Variants in PCDH15 observed in about 807,000 individuals in gnomAD.
The protein encoded by PCDH15 is protocadherin related 15, also known as protocadherin-15.
In PCDH15, 129 loss-of-function variants were observed where a neutral mutation model predicts 178.5. That is an observed-to-expected ratio of 0.72 (90% CI 0.63 to 0.84). The LOEUF (loss-of-function observed/expected upper bound fraction) is 0.84. Among genes scored for constraint, PCDH15 ranks in the 40% least tolerant of loss-of-function variants. The pLI is 0.00. For missense variants in PCDH15, 2,230 were observed against 2,099.9 expected (o/e 1.06, Z -1.21); for synonymous variants, 800 against 732.0 (o/e 1.09, Z -1.50).
chr10:55,580,632 G>A (rs922194806), intron 2 of PCDH15, among the ~76,000 whole-genome samples: 2 of 152,036 alleles, frequency 1.3e-5, no homozygotes, highest in Non-Finnish European at 2.9e-5. Context: ...CAAAGTGCTG[G>A]GATTACAGGC....
upstream of PCDH15, among the ~76,000 whole-genome samples, chr10:54,805,156 T>C (rs1952759340): frequency 6.6e-6 from 1 of 151,756 alleles, no homozygotes; most frequent in Non-Finnish European, 1.5e-5. Flanking sequence ...CTCAAATATA[T>C]GTCTTTGAGA....
chr10:55,056,886 A>G (rs1002883701), intron 2 of PCDH15, among the ~76,000 whole-genome samples: 2 of 151,958 alleles, frequency 1.3e-5, no homozygotes, highest in African/African-American at 2.4e-5. Context: ...CACCCGCCTC[A>G]ACCTCCCAAA....
chr10:55,106,642 C>A (rs1209849825), intron 2 of PCDH15, among the ~76,000 whole-genome samples: 1 of 152,128 alleles, frequency 6.6e-6, no homozygotes, highest in Admixed American at 6.5e-5. Flanking sequence ...TCTCGAACTC[C>A]TGACCTCAGG....
Position 53,822,433 on chromosome 10 carries a change from GAGGAGC to G in PCDH15, c.4368-2209_4368-2204del, listed in dbSNP as rs397517465. The G allele has an allele frequency of 7.7e-4, 1,220 of 1,588,994 alleles. 2 individuals are homozygous for G. The highest frequency in any genetic ancestry group is 5.2e-3 in the East Asian group (222 of 42,854). ...GGAGAAATGTCAGGAGGAGGAGCAA[GAGGAGC>G]AGGAGCAGGAGGAGGAGAAGGAGGA... On this transcript the variant is annotated intron_variant, in intron 32 of 37. Coordinates refer to ENST00000644397, the MANE Select transcript of PCDH15 (RefSeq NM_001384140.1).
intron 3 of PCDH15, among the ~76,000 whole-genome samples, chr10:54,435,055 T>TAA (rs1565267275): frequency 2.0e-5 from 3 of 151,592 alleles, no homozygotes; most frequent in Non-Finnish European, 4.4e-5. Context: ...TTTAAACTTA[T>TAA]CTTACTTCCT....
intron 3 of PCDH15, among the ~76,000 whole-genome samples, chr10:54,808,531 C>G (rs1952813812): frequency 6.6e-6 from 1 of 152,180 alleles, no homozygotes; most frequent in Non-Finnish European, 1.5e-5. Flanking sequence ...GCAGTCTCAT[C>G]TTTTAGCTCC....
At chr10:55,589,694 CA>C (rs1166393594) in intron 2 of PCDH15, among the ~76,000 whole-genome samples, 3 of 151,112 alleles carry the variant, frequency 2.0e-5, no homozygotes, top group African/African-American at 7.3e-5. Flanking sequence ...TTTATGCAGC[CA>C]AAAAACACAT....
intron 18 of PCDH15, among the ~76,000 whole-genome samples, chr10:54,042,278 G>A (rs1004334494): frequency 6.6e-6 from 1 of 152,060 alleles, no homozygotes; most frequent in Non-Finnish European, 1.5e-5. Flanking sequence ...ATATGGATTA[G>A]ATCATTTGCC....
intron 1 of PCDH15, among the ~76,000 whole-genome samples, chr10:54,701,872 C>G (rs1043039426): frequency 2.0e-5 from 3 of 151,922 alleles, no homozygotes; most frequent in African/African-American, 2.4e-5. Context: ...TTCCAACAGC[C>G]CACTGACAGT....
At chr10:54,208,397 T>C (rs2134052264) in intron 10 of PCDH15, among the ~76,000 whole-genome samples, 1 of 152,186 alleles carries the variant, frequency 6.6e-6, no homozygotes, top group East Asian at 1.9e-4. Context: ...GTTGAAATCC[T>C]AATCCACAAT....
intron 1 of PCDH15, among the ~76,000 whole-genome samples, chr10:55,295,440 T>G (rs1032619077): frequency 6.6e-6 from 1 of 152,206 alleles, no homozygotes; most frequent in Non-Finnish European, 1.5e-5. Context: ...AAACCAGCAA[T>G]GTGATTAATA....
chr10:55,156,096 G>A (rs1375165963), intron 2 of PCDH15, among the ~76,000 whole-genome samples: 1 of 151,996 alleles, frequency 6.6e-6, no homozygotes, highest in East Asian at 1.9e-4. Flanking sequence ...ACATACAAAG[G>A]ACCTACACTC....
chr10:55,281,803 A>G (rs927503868), intron 1 of PCDH15, among the ~76,000 whole-genome samples: 1 of 152,190 alleles, frequency 6.6e-6, no homozygotes, highest in Admixed American at 6.5e-5. Flanking sequence ...TTCTCTTTTG[A>G]TAAATGCCAT....
chr10:54,716,029 C>T (rs114393524), intron 1 of PCDH15, among the ~76,000 whole-genome samples: 2,604 of 152,180 alleles, frequency 0.017, 75 homozygotes, highest in African/African-American at 0.058. Flanking sequence ...TGCAGAGAAC[C>T]TGAGGCAGCA....
intron 2 of PCDH15, among the ~76,000 whole-genome samples, chr10:55,528,868 C>A (rs191924640): frequency 6.6e-6 from 1 of 152,116 alleles, no homozygotes; most frequent in Non-Finnish European, 1.5e-5. Context: ...TCCTATTTCT[C>A]CACATCCTCT....
At chr10:55,018,929 T>C (rs1840255461) in intron 2 of PCDH15, among the ~76,000 whole-genome samples, 1 of 152,094 alleles carries the variant, frequency 6.6e-6, no homozygotes, top group Admixed American at 6.6e-5. Context: ...TAATTTAATA[T>C]AGTTTTCTTT....
intron 2 of PCDH15, among the ~76,000 whole-genome samples, chr10:54,642,700 G>C (rs2094019998): frequency 6.6e-6 from 1 of 152,044 alleles, no homozygotes; most frequent in Admixed American, 6.6e-5. Flanking sequence ...TCAGTTTAGA[G>C]GTTACAGTTT....
At chr10:55,517,266 T>C (rs1482364443) in intron 2 of PCDH15, among the ~76,000 whole-genome samples, 1 of 152,120 alleles carries the variant, frequency 6.6e-6, no homozygotes, top group Non-Finnish European at 1.5e-5. Context: ...GTTTGCTTCT[T>C]TTACTTCCAG....
intron 1 of PCDH15, among the ~76,000 whole-genome samples, chr10:55,319,303 A>G (rs1277227873): frequency 2.0e-5 from 3 of 152,230 alleles, no homozygotes; most frequent in Non-Finnish European, 4.4e-5. Flanking sequence ...GCAATATTTC[A>G]TATTTAAATG....
Sources: gnomAD v4.1 joint callset for allele counts (sites outside exome capture counted in the v4.1 genomes callset) on GRCh38, gnomAD v4.1.1 for gene constraint, MANE v1.5 for transcripts, NCBI Gene and HGNC (gene_info 2026-07-23, HGNC 2026-07-21) for gene names.